Variants in HDAC4 observed in about 807,000 individuals in gnomAD.
HDAC4 encodes histone deacetylase 4.
In HDAC4, 16 loss-of-function variants were observed where a neutral mutation model predicts 135.1. That is an observed-to-expected ratio of 0.12 (90% CI 0.08 to 0.18). HDAC4 has a LOEUF of 0.18. HDAC4 is among the 10% of genes least tolerant of loss of function. The pLI, the probability that HDAC4 is intolerant of heterozygous loss-of-function variation, is 1.00. For synonymous variants in HDAC4, 685 were observed against 653.4 expected (o/e 1.05, Z -0.74); for missense variants, 1,143 against 1,511.8 (o/e 0.76, Z 4.05).
chr2:239,120,194 G>C (rs2039514654), intron 12 of HDAC4, among the ~76,000 whole-genome samples: 1 of 151,854 alleles, frequency 6.6e-6, no homozygotes, highest in Non-Finnish European at 1.5e-5. Context: ...TTGGGAGACA[G>C]ATCAGAACTG....
rs368482038 is a variant in HDAC4, at chr2:239,144,549, C to A, written c.865+34G>T. 10 of 1,612,146 alleles carry A rather than the reference C, an allele frequency of 6.2e-6. No individual in the cohort carries two copies. The African/African-American group carries it at 1.3e-4, about 22-fold the overall frequency. On this transcript the variant is annotated intron_variant, in intron 8 of 26. Transcript: ENST00000543185. ...TGGCAGGAAGGCCTGGCAGAGAGGG[C>A]AGCGGGGCGGGTGTACCTGCTCAGC...
chr2:239,260,612 G>A (rs537962295), intron 2 of HDAC4, among the ~76,000 whole-genome samples: 1 of 152,228 alleles, frequency 6.6e-6, no homozygotes, highest in East Asian at 1.9e-4. Flanking sequence ...CTCACTCCTG[G>A]GAGTACCGCT....
At chr2:239,169,897 C>T (rs1325485964) in intron 5 of HDAC4, among the ~76,000 whole-genome samples, 1 of 152,220 alleles carries the variant, frequency 6.6e-6, no homozygotes, top group Non-Finnish European at 1.5e-5. Flanking sequence ...ACCACCTTAT[C>T]TAATCAATGT....
At chr2:239,125,340 G>A (rs763884142) in intron 12 of HDAC4, among the ~76,000 whole-genome samples, 1 of 152,176 alleles carries the variant, frequency 6.6e-6, no homozygotes, top group African/African-American at 2.4e-5. Flanking sequence ...CTCTTGCCAA[G>A]TGATGTGCCC....
chr2:239,380,303 T>C (rs536121820), intron 1 of HDAC4, among the ~76,000 whole-genome samples: 3 of 152,202 alleles, frequency 2.0e-5, no homozygotes, highest in Non-Finnish European at 4.4e-5. Flanking sequence ...TAACTTCTTA[T>C]ATAATTCATG....
Position 239,148,039 on chromosome 2 carries a change from C to T in HDAC4, c.734-3325G>A, listed in dbSNP as rs542262016. On this transcript the variant is annotated intron_variant, in intron 7 of 26. Coordinates refer to ENST00000543185, the MANE Select transcript of HDAC4 (RefSeq NM_001378414.1). The stretch of plus-strand genomic sequence containing the variant: ...GTGCACCTGGCACCAGTGTGGAGGG[C>T]GGTTTCTTTGTGGGCCTGATGCAAT... Among the ~76,000 whole-genome samples the T allele has an allele frequency of 9.5e-4, 145 of 152,252 alleles. 2 individuals carry two copies. The highest frequency in any genetic ancestry group is 3.3e-3 in the African/African-American group (137 of 41,540).
chr2:239,138,531 T>C (rs1014499742), intron 9 of HDAC4, among the ~76,000 whole-genome samples: 1 of 152,226 alleles, frequency 6.6e-6, no homozygotes, highest in Non-Finnish European at 1.5e-5. Context: ...TCCCACTCAG[T>C]AGAACTCTGC....
intron 2 of HDAC4, among the ~76,000 whole-genome samples, chr2:239,296,506 T>C (rs1290792550): frequency 1.3e-5 from 2 of 152,238 alleles, no homozygotes; most frequent in African/African-American, 4.8e-5. Flanking sequence ...CCCGTGACAT[T>C]TCCTGCAGCC....
chr2:239,390,814 C>T (rs1004417229), intron 1 of HDAC4, among the ~76,000 whole-genome samples: 2 of 152,228 alleles, frequency 1.3e-5, no homozygotes, highest in East Asian at 3.8e-4. Context: ...GACACTGCAG[C>T]CACACCCGGT....
intron 12 of HDAC4, among the ~76,000 whole-genome samples, chr2:239,118,721 G>A (rs1316444722): frequency 1.3e-5 from 2 of 152,094 alleles, no homozygotes; most frequent in African/African-American, 2.4e-5. Context: ...AAATACATGC[G>A]ACTGTTTCCG....
intron 12 of HDAC4, among the ~76,000 whole-genome samples, chr2:239,120,112 G>C (rs1231974691): frequency 6.6e-6 from 1 of 152,224 alleles, no homozygotes; most frequent in African/African-American, 2.4e-5. Context: ...GGGCAGCTCA[G>C]AGAGGCTGAA....
intron 1 of HDAC4, among the ~76,000 whole-genome samples, chr2:239,377,719 C>T (rs2126039253): frequency 6.6e-6 from 1 of 152,302 alleles, no homozygotes; most frequent in East Asian, 1.9e-4. Context: ...GTATTATGTG[C>T]AGAGACCCAA....
At chr2:239,184,195 T>C (rs2044339907) in intron 4 of HDAC4, among the ~76,000 whole-genome samples, 1 of 151,596 alleles carries the variant, frequency 6.6e-6, no homozygotes. Flanking sequence ...CTTACACCAG[T>C]GCAGGGAGAG....
At chr2:239,137,417 C>T (rs1018568032) in intron 9 of HDAC4, among the ~76,000 whole-genome samples, 2 of 152,190 alleles carry the variant, frequency 1.3e-5, no homozygotes, top group African/African-American at 4.8e-5. Context: ...TGCCTCCTCC[C>T]TGTAGAGGAG....
At chr2:239,095,096 C>T (rs760573153) in intron 16 of HDAC4, 40 bp from the exon 17 acceptor site, 96 of 1,612,380 alleles carry the variant, frequency 6.0e-5, no homozygotes, top group East Asian at 3.1e-4. Context: ...GCCAAGGGCA[C>T]GCGGCCAAGG....
chr2:239,365,993 T>C (rs1313396732), intron 1 of HDAC4, among the ~76,000 whole-genome samples: 2 of 146,622 alleles, frequency 1.4e-5, no homozygotes, highest in Non-Finnish European at 3.0e-5. Context: ...GGGTCATGCA[T>C]GTGGCACTGG....
chr2:239,346,495 C>A (rs542790087), intron 2 of HDAC4, among the ~76,000 whole-genome samples: 1 of 150,274 alleles, frequency 6.7e-6, no homozygotes, highest in Non-Finnish European at 1.5e-5. Flanking sequence ...TACTTTAACA[C>A]ACAGTCTAAG....
intron 3 of HDAC4, among the ~76,000 whole-genome samples, chr2:239,223,156 T>G (rs991856394): frequency 6.6e-6 from 1 of 152,228 alleles, no homozygotes; most frequent in Non-Finnish European, 1.5e-5. Flanking sequence ...AGAATTTCCT[T>G]CTTAGCAACC....
chr2:239,075,223 C>CAAAAAAAA (rs67188784), intron 22 of HDAC4, among the ~76,000 whole-genome samples: 3 of 31,782 alleles, frequency 9.4e-5, no homozygotes, highest in Admixed American at 4.4e-4. Context: ...GACTCCGTCT[C>CAAAAAAAA]AAAAAAAAAA....
Sources: gnomAD v4.1 joint callset for allele counts (sites outside exome capture counted in the v4.1 genomes callset) on GRCh38, gnomAD v4.1.1 for gene constraint, MANE v1.5 for transcripts, NCBI Gene and HGNC (gene_info 2026-07-23, HGNC 2026-07-21) for gene names.